The following RAD54L2 variants were observed in gnomAD, a reference collection of about 807,000 sequenced individuals.
RAD54L2 encodes RAD54 like 2, also known as helicase ARIP4.
RAD54L2 carries 27 observed loss-of-function variants against 138.4 expected under a neutral mutation model. The observed-to-expected ratio is 0.20, with a 90% confidence interval of 0.14 to 0.27. The LOEUF (loss-of-function observed/expected upper bound fraction) is 0.27. RAD54L2 is among the 10% of genes least tolerant of loss of function. The pLI is 1.00. For synonymous variants in RAD54L2, 644 were observed against 723.2 expected (o/e 0.89, Z 1.76); for missense variants, 1,396 against 1,890.2 (o/e 0.74, Z 4.85).
At chr3:51,648,676 G>C (rs1390170585) in intron 19 of RAD54L2, among the ~76,000 whole-genome samples, 3 of 152,190 alleles carry the variant, frequency 2.0e-5, no homozygotes, top group African/African-American at 7.2e-5. Context: ...GTTTGGAGTG[G>C]ACCTCCAGCA....
rs1221341316 is a variant in RAD54L2 at position 51,638,244 on chromosome 3, A to G, written c.1783A>G (p.Met595Val). The G allele has an allele frequency of 3.1e-6, 5 of 1,614,006 alleles. No homozygotes were observed. Among genetic ancestry groups the G allele is most frequent in the Admixed American group, 1.7e-5 (1 of 60,020 alleles). Reference sequence around the variant, plus strand: ...CCAGCGAGATTTGTATACACAGTTCATGGATCGCTTCCGGGACTGTGGTAG... The same window carrying G: ...CCAGCGAGATTTGTATACACAGTTCGTGGATCGCTTCCGGGACTGTGGTAG... ...KIQRDLYTQF[M>V]DRFRDCGSSG... is the part of the protein sequence containing the mutation. The change falls in exon 12 of 23, where the codon ATG (methionine) becomes GTG (valine). Residue 595 changes from methionine (M) to valine (V), a missense_variant. Physicochemically the swap from Met to Val is conservative, Grantham distance 21. This residue lies in a region of RAD54L2 where 211 missense variants were observed against 273.8 expected (regional missense o/e 0.77). Coordinates refer to ENST00000684192, the MANE Select transcript of RAD54L2 (RefSeq NM_015106.4). This position sits in a 1 kb window ranked among gnomAD's most constrained non-coding sequence, Gnocchi z 4.3.
intron 2 of RAD54L2, among the ~76,000 whole-genome samples, chr3:51,580,396 G>GC (rs1699580187): frequency 6.6e-6 from 1 of 152,136 alleles, no homozygotes; most frequent in Non-Finnish European, 1.5e-5. Context: ...ACCTGGAAGT[G>GC]CTCTAAATCT....
intron 2 of RAD54L2, among the ~76,000 whole-genome samples, chr3:51,560,362 CTT>C (rs61485263): frequency 1.5e-4 from 21 of 138,664 alleles, no homozygotes; most frequent in Admixed American, 2.2e-4. Context: ...TCTTTTTTTT[CTT>C]TTTTTTTTTT....
intron 5 of RAD54L2, among the ~76,000 whole-genome samples, chr3:51,629,864 AAAAAATAAAAAT>A (rs1037446051): frequency 6.6e-6 from 1 of 152,140 alleles, no homozygotes; most frequent in African/African-American, 2.4e-5. Context: ...CTCTATCTCA[AAAAAATAAAAAT>A]AAAAATAAAA....
intron 2 of RAD54L2, among the ~76,000 whole-genome samples, chr3:51,551,097 G>A (rs1011428615): frequency 2.0e-5 from 3 of 151,926 alleles, no homozygotes; most frequent in Non-Finnish European, 2.9e-5. Context: ...TGGGGTTATA[G>A]TCTATCTACC....
chr3:51,639,929 C>A lies in RAD54L2; in HGVS notation c.2161C>A (p.Pro721Thr). The change falls in exon 14 of 23, where the codon CCC (proline) becomes ACC (threonine). Residue 721 changes from proline to threonine, a missense_variant. Coordinates refer to ENST00000684192, the MANE Select transcript of RAD54L2 (RefSeq NM_015106.4). Reference protein sequence around the residue: ...NYQTGVLENSPKMVLLFHLIE... With the variant: ...NYQTGVLENSTKMVLLFHLIE... Reference sequence around the variant, plus strand: ...CCAGACTGGAGTCCTAGAAAACTCTCCCAAGATGGTACTGCTTTTCCACCT... The same window carrying A: ...CCAGACTGGAGTCCTAGAAAACTCTACCAAGATGGTACTGCTTTTCCACCT... The A allele has an allele frequency of 6.2e-7, 1 of 1,612,478 alleles. No individual in the cohort carries two copies. The highest frequency in any genetic ancestry group is 8.5e-7 in the Non-Finnish European group (1 of 1,179,028).
chr3:51,558,741 G>C (rs112279311), intron 2 of RAD54L2, among the ~76,000 whole-genome samples: 1 of 152,058 alleles, frequency 6.6e-6, no homozygotes, highest in Non-Finnish European at 1.5e-5. Flanking sequence ...AAAGTGCTGG[G>C]ATTACAAGCA....
chr3:51,596,690 C>T lies in RAD54L2; in HGVS notation c.139+6131C>T, dbSNP rs183713957. Among the ~76,000 whole-genome samples, 268 of 152,252 alleles carry T rather than the reference C, an allele frequency of 1.8e-3. 3 individuals are homozygous for T. The highest frequency in any genetic ancestry group is 1.4e-3 in the Non-Finnish European group (97 of 68,020). ...TATGTGAATATTTGCAAGGAAAAAC[C>T]GGATGTCCCAGTTCTTTTCCTCCAG... On this transcript the variant is annotated intron_variant, in intron 3 of 22. Transcript: ENST00000684192.
rs1701023002 is a variant in RAD54L2 at position 51,637,779 on chromosome 3, C to G, written c.1682+276C>G. Among the ~76,000 whole-genome samples the G allele has an allele frequency of 6.6e-6, 1 of 152,206 alleles. No homozygotes were observed. The highest frequency in any genetic ancestry group is 6.5e-5 in the Admixed American group (1 of 15,284). ...GCTGAGAGAAGCAAGAAAAAGGTACCATTCTGCTGACTTACCTTAGGCTAG... is the reference window on the plus strand; with the variant it reads ...GCTGAGAGAAGCAAGAAAAAGGTACGATTCTGCTGACTTACCTTAGGCTAG... On this transcript the variant is annotated intron_variant, in intron 11 of 22. Transcript: ENST00000684192. This position sits in a 1 kb window ranked among gnomAD's most constrained non-coding sequence, Gnocchi z 5.9.
chr3:51,562,810 C>T (rs1174068439), intron 2 of RAD54L2, among the ~76,000 whole-genome samples: 2 of 151,950 alleles, frequency 1.3e-5, no homozygotes, highest in African/African-American at 2.4e-5. Flanking sequence ...CCACACCCAG[C>T]TTGATATTTT....
Position 51,659,611 on chromosome 3 carries a change from C to G in RAD54L2, c.3317-415C>G, listed in dbSNP as rs543118588. Among the ~76,000 whole-genome samples the G allele has an allele frequency of 4.6e-5, 7 of 152,312 alleles. No individual in the cohort carries two copies. In the South Asian group the frequency reaches 1.5e-3, roughly 32 times the overall value. Reference sequence around the variant, plus strand: ...GCAGTAAGGCTCCTTCCTCGCAGATCAAGAGGAGAACCTGGGCCAGAGTGC... The same window carrying G: ...GCAGTAAGGCTCCTTCCTCGCAGATGAAGAGGAGAACCTGGGCCAGAGTGC... On this transcript the variant is annotated intron_variant, in intron 21 of 22. Coordinates refer to ENST00000684192, the MANE Select transcript of RAD54L2 (RefSeq NM_015106.4).
chr3:51,649,040 A>G (rs1313280208), intron 19 of RAD54L2, among the ~76,000 whole-genome samples: 1 of 152,130 alleles, frequency 6.6e-6, no homozygotes, highest in Non-Finnish European at 1.5e-5. Flanking sequence ...CATTGCAAGG[A>G]AGCTAAAAAC....
chr3:51,572,892 C>G (rs1023487819), intron 2 of RAD54L2, among the ~76,000 whole-genome samples: 3 of 151,814 alleles, frequency 2.0e-5, no homozygotes, highest in Non-Finnish European at 4.4e-5. Context: ...CCTGCCTCAG[C>G]CTCCCAAAGT....
intron 3 of RAD54L2, among the ~76,000 whole-genome samples, chr3:51,620,231 A>G (rs1428294542): frequency 6.7e-6 from 1 of 148,556 alleles, no homozygotes; most frequent in East Asian, 2.0e-4. Context: ...CAGGGTTGCT[A>G]CAGGCCTGCA....
chr3:51,654,839 T>C (rs1349636051), intron 19 of RAD54L2, among the ~76,000 whole-genome samples: 1 of 152,246 alleles, frequency 6.6e-6, no homozygotes, highest in Non-Finnish European at 1.5e-5. Flanking sequence ...ATGATCCTGC[T>C]GAGTTTTTTT....
chr3:51,640,082 C>G, intron 14 of RAD54L2, 83 bp downstream of exon 14: 1 of 988,404 alleles, frequency 1.0e-6, no homozygotes, highest in East Asian at 2.6e-5. Context: ...CAAGACCACC[C>G]CCGCCTCCCC....
At chr3:51,609,841 A>T (rs1178213185) in intron 3 of RAD54L2, among the ~76,000 whole-genome samples, 1 of 152,042 alleles carries the variant, frequency 6.6e-6, no homozygotes, top group African/African-American at 2.4e-5. Context: ...CTTAAAAGGG[A>T]CAGTAGTTTC....
chr3:51,589,094 C>T (rs1189224669), intron 2 of RAD54L2, among the ~76,000 whole-genome samples: 3 of 152,362 alleles, frequency 2.0e-5, no homozygotes, highest in East Asian at 1.9e-4. Context: ...TTATATACAA[C>T]TGTTCCTCCA....
chr3:51,590,551 T>G lies in RAD54L2; in HGVS notation c.131T>G (p.Leu44Arg). Residue 44 changes from leucine (L) to arginine (R), a missense_variant, in exon 3 of 23, where the codon CTG becomes CGG. By Grantham distance (102) the Leu-to-Arg change is moderately radical (BLOSUM62 -2). Coordinates refer to ENST00000684192, the MANE Select transcript of RAD54L2 (RefSeq NM_015106.4). ...EECDRDDEED[L>R]LDDPSLEGMC... ...TGTGACAGGGATGATGAAGAAGACCTGCTGGATGGTAAGTGGGCTCTATTG... is the reference window on the plus strand; with the variant it reads ...TGTGACAGGGATGATGAAGAAGACCGGCTGGATGGTAAGTGGGCTCTATTG... 1 of 1,552,350 alleles carries G rather than the reference T, an allele frequency of 6.4e-7. No homozygotes were observed. The highest frequency in any genetic ancestry group is 8.7e-7 in the Non-Finnish European group (1 of 1,147,146).
Sources: gnomAD v4.1 joint callset for allele counts (sites outside exome capture counted in the v4.1 genomes callset) on GRCh38, gnomAD v4.1.1 for gene constraint, gnomAD v4.1.1 regional missense constraint, Gnocchi (gnomAD v3.1) non-coding constraint, MANE v1.5 for transcripts, NCBI Gene and HGNC (gene_info 2026-07-23, HGNC 2026-07-21) for gene names.